Variants in DGKB observed in about 807,000 individuals in gnomAD.
DGKB encodes diacylglycerol kinase beta.
In DGKB, 67 loss-of-function variants were observed where a neutral mutation model predicts 114.3. The observed-to-expected ratio is 0.59, with a 90% CI of 0.48 to 0.72. The LOEUF (loss-of-function observed/expected upper bound fraction) is 0.72, where lower values mean the gene tolerates loss of function less well. Among genes scored for constraint, DGKB ranks in the 30% least tolerant of loss-of-function variants. The pLI, the probability that DGKB is intolerant of heterozygous loss-of-function variation, is 0.00. For synonymous variants in DGKB, 398 were observed against 323.1 expected (o/e 1.23, Z -2.49); for missense variants, 907 against 975.2 (o/e 0.93, Z 0.93).
intron 25 of DGKB, among the ~76,000 whole-genome samples, chr7:14,170,767 T>G (rs992586): frequency 0.099 from 15,133 of 152,196 alleles, 1,017 homozygotes; most frequent in Admixed American, 0.2. Context: ...AGTCTGTATT[T>G]TAAAGTTATG....
chr7:14,571,900 C>G (rs1798440031), intron 20 of DGKB, among the ~76,000 whole-genome samples: 1 of 152,000 alleles, frequency 6.6e-6, no homozygotes, highest in Non-Finnish European at 1.5e-5. Context: ...AGGTAAGTCA[C>G]TAAATAGACA....
At position 14,478,148 on chromosome 7, in the gene DGKB, T is replaced by G; in HGVS notation, c.1835+13A>C. ...CAACTATATCTATAATTTCATCTCT[T>G]TTGTCACCTTACCTACTGTTGAATT... On this transcript the variant is annotated intron_variant, in intron 21 of 25. Transcript: ENST00000402815. The G allele has an allele frequency of 1.3e-6, 2 of 1,577,092 alleles. No homozygotes were observed. Among genetic ancestry groups the G allele is most frequent in the Non-Finnish European group, 1.7e-6 (2 of 1,153,368 alleles).
chr7:14,815,655 G>C (rs1392676931), intron 2 of DGKB, among the ~76,000 whole-genome samples: 2 of 152,096 alleles, frequency 1.3e-5, no homozygotes, highest in African/African-American at 2.4e-5. Context: ...GGCTCTCTTG[G>C]TGACCCCATC....
intron 2 of DGKB, among the ~76,000 whole-genome samples, chr7:14,805,071 TCTC>T (rs1330846021): frequency 1.3e-5 from 2 of 152,088 alleles, no homozygotes; most frequent in African/African-American, 4.8e-5. Flanking sequence ...AAGATGTTCT[TCTC>T]CTTGTATTAT....
rs1329126850 is a variant in DGKB at position 14,841,222 on chromosome 7, T to C, written c.42A>G (p.Glu14=). Reference sequence around the variant, plus strand: ...CAGCATATTTCTGAAGTTGGGAAAATTCCGAAGGGCTGAGGTGGGCCCATT... The same window carrying C: ...CAGCATATTTCTGAAGTTGGGAAAACTCCGAAGGGCTGAGGTGGGCCCATT... The part of the protein sequence containing the change: ...QEKWAHLSPS[E]FSQLQKYAEY... The change falls in exon 2 of 26, where the codon GAA becomes GAG. Residue 14 remains glutamate (E), a synonymous_variant. Transcript: ENST00000402815. 1 of 1,613,418 alleles carries C rather than the reference T, an allele frequency of 6.2e-7. No individual in the cohort carries two copies. Among genetic ancestry groups the C allele is most frequent in the Non-Finnish European group, 8.5e-7 (1 of 1,179,710 alleles).
intron 23 of DGKB, among the ~76,000 whole-genome samples, chr7:14,306,318 A>AT (rs1804463660): frequency 6.6e-6 from 1 of 152,194 alleles, no homozygotes; most frequent in Admixed American, 6.5e-5. Context: ...AAGGAACAAA[A>AT]TAAAAAAACA....
intron 23 of DGKB, among the ~76,000 whole-genome samples, chr7:14,199,801 C>T (rs1267892516): frequency 6.6e-6 from 1 of 152,014 alleles, no homozygotes; most frequent in Non-Finnish European, 1.5e-5. Context: ...GGAGTAGTGA[C>T]AACGAAGTAT....
chr7:14,598,706 T>C (rs902432676), intron 17 of DGKB, among the ~76,000 whole-genome samples: 6 of 152,164 alleles, frequency 3.9e-5, no homozygotes, highest in African/African-American at 1.2e-4. Context: ...AAAAGTGTTA[T>C]TGCAAAATAA....
At chr7:14,931,394 GC>G (rs1410246948) in intron 1 of DGKB, among the ~76,000 whole-genome samples, 2 of 152,240 alleles carry the variant, frequency 1.3e-5, no homozygotes, top group African/African-American at 4.8e-5. Flanking sequence ...ACAGGCGTGA[GC>G]CACCGTGCCC....
At chr7:14,760,212 C>G (rs971343182) in intron 2 of DGKB, among the ~76,000 whole-genome samples, 4 of 152,002 alleles carry the variant, frequency 2.6e-5, no homozygotes, top group Admixed American at 2.6e-4. Context: ...AATTTGCTGG[C>G]ATTTTCCATA....
At chr7:14,516,260 C>G (rs183323736) in intron 20 of DGKB, among the ~76,000 whole-genome samples, 1 of 152,042 alleles carries the variant, frequency 6.6e-6, no homozygotes, top group Non-Finnish European at 1.5e-5. Context: ...AAAAAGTAAA[C>G]TTTAAAGAAG....
chr7:14,154,900 A>ATACTT (rs1175551297), intron 25 of DGKB, among the ~76,000 whole-genome samples: 1 of 151,494 alleles, frequency 6.6e-6, no homozygotes, highest in Non-Finnish European at 1.5e-5. Context: ...CAACTTCTAA[A>ATACTT]TACTTTTTAA....
At chr7:14,796,486 A>G (rs950965522) in intron 2 of DGKB, among the ~76,000 whole-genome samples, 3 of 152,148 alleles carry the variant, frequency 2.0e-5, no homozygotes, top group African/African-American at 7.2e-5. Flanking sequence ...GAGATACTAA[A>G]GCATCTCTTT....
intron 13 of DGKB, among the ~76,000 whole-genome samples, chr7:14,637,443 T>C (rs560083975): frequency 7.2e-5 from 11 of 151,980 alleles, no homozygotes; most frequent in African/African-American, 2.4e-4. Context: ...ATACTTTTTA[T>C]ATGCTCTTTA....
chr7:14,457,882 G>C (rs1340413271), intron 21 of DGKB, among the ~76,000 whole-genome samples: 1 of 152,166 alleles, frequency 6.6e-6, no homozygotes, highest in Non-Finnish European at 1.5e-5. Flanking sequence ...AGGACTACTG[G>C]TGTAAAAAAT....
chr7:14,606,524 G>T lies in DGKB; in HGVS notation c.1433+910C>A, dbSNP rs540278718. ...AATTTTATTCTGAGTTTTTAAAAGA[G>T]TACTATTTAAATACTTGGTTTCTGG... On this transcript the variant is annotated intron_variant, in intron 17 of 25. Transcript: ENST00000402815. Among the ~76,000 whole-genome samples the T allele has an allele frequency of 2.0e-5, 3 of 151,862 alleles. No individual in the cohort carries two copies. The South Asian group carries it at 6.2e-4, about 32-fold the overall frequency.
At chr7:14,173,377 T>G (rs1350019803) in intron 25 of DGKB, among the ~76,000 whole-genome samples, 1 of 152,206 alleles carries the variant, frequency 6.6e-6, no homozygotes, top group Non-Finnish European at 1.5e-5. Flanking sequence ...ACTTACATTT[T>G]TAAGTGTGCA....
rs1490807078 is a variant in DGKB, at chr7:14,258,464, T to TAA, written c.2122+80049_2122+80050dup. Among the ~76,000 whole-genome samples, 6 of 152,334 alleles carry TAA rather than the reference T, an allele frequency of 3.9e-5. No homozygotes were observed. In the East Asian group the frequency reaches 1.2e-3, roughly 29 times the overall value. ...TTTCAAAGACTACAGATGAAATTTA[T>TAA]AAACAGCTGAAATTAGGGGGAAATG... is the stretch of plus-strand genomic sequence containing the variant. On this transcript the variant is annotated intron_variant, in intron 23 of 25. Coordinates refer to ENST00000402815, the MANE Select transcript of DGKB (RefSeq NM_001350709.2).
intron 23 of DGKB, among the ~76,000 whole-genome samples, chr7:14,262,849 G>C (rs893318090): frequency 6.6e-6 from 1 of 152,086 alleles, no homozygotes; most frequent in African/African-American, 2.4e-5. Flanking sequence ...GCAGTAAACT[G>C]AACAAGGGTC....
Sources: gnomAD v4.1 joint callset for allele counts (sites outside exome capture counted in the v4.1 genomes callset) on GRCh38, gnomAD v4.1.1 for gene constraint, MANE v1.5 for transcripts, NCBI Gene and HGNC (gene_info 2026-07-23, HGNC 2026-07-21) for gene names.